Variants in ZSCAN20 observed in about 807,000 individuals in gnomAD.
The protein encoded by ZSCAN20 is zinc finger and SCAN domain containing 20.
In ZSCAN20, 39 loss-of-function variants were observed where a neutral mutation model predicts 97.1. That is an observed-to-expected ratio of 0.40 (90% CI 0.31 to 0.52). The LOEUF is 0.52. Ranked by LOEUF, ZSCAN20 falls within the 20% of genes least tolerant of loss-of-function variation. The pLI is 0.49. For missense variants in ZSCAN20, 1,115 were observed against 1,290.4 expected, an observed-to-expected ratio of 0.86 and a Z score of 2.08; for synonymous variants, 456 against 467.3, an observed-to-expected ratio of 0.98 and a Z score of 0.31.
At chr1:33,478,646 T>C (rs748959767) in intron 1 of ZSCAN20, among the ~76,000 whole-genome samples, 2 of 152,032 alleles carry the variant, frequency 1.3e-5, no homozygotes, top group Non-Finnish European at 2.9e-5. Context: ...GGGGATAGCA[T>C]AGAGTTGTTG....
In ZSCAN20 at chr1:33,479,300, C is replaced by T. The variant is rs1217247430; in HGVS notation, c.12C>T (p.Ala4=). MAM[A]LELQAQASPQ... is the part of the protein sequence containing the mutation. ...GTCTGGGTTAGACAATGGCTATGGCCCTGGAATTGCAAGCCCAGGCATCTC... is the reference window on the plus strand; with the variant it reads ...GTCTGGGTTAGACAATGGCTATGGCTCTGGAATTGCAAGCCCAGGCATCTC... The change falls in exon 2 of 8, where the codon GCC becomes GCT. Residue 4 remains alanine (A), a synonymous_variant. Transcript: ENST00000684572. The T allele has an allele frequency of 6.2e-7, 1 of 1,606,626 alleles. No homozygotes were observed. Among genetic ancestry groups the T allele is most frequent in the Non-Finnish European group, 8.5e-7 (1 of 1,175,986 alleles).
chr1:33,486,357 G>T (rs1382010109), intron 2 of ZSCAN20, among the ~76,000 whole-genome samples: 3 of 152,166 alleles, frequency 2.0e-5, no homozygotes, highest in African/African-American at 7.2e-5. Flanking sequence ...CCTGGAACTG[G>T]TTCCCACAGA....
Position 33,493,457 on chromosome 1 carries a change from G to A in ZSCAN20, c.1715G>A (p.Arg572Gln), listed in dbSNP as rs772245361. 14 of 1,614,044 alleles carry A rather than the reference G, an allele frequency of 8.7e-6. No homozygotes were observed. Among genetic ancestry groups the A allele is most frequent in the African/African-American group, 2.7e-5 (2 of 74,910 alleles). Residue 572 changes from arginine to glutamine, a missense_variant, in exon 7 of 8, where the codon CGG becomes CAG. Arg to Gln is a conservative substitution (Grantham distance 43). Around this residue, in one of 3 missense-constraint regions of ZSCAN20, gnomAD observed 554 missense variants for 584.9 expected, o/e 0.95. Coordinates refer to ENST00000684572, the MANE Select transcript of ZSCAN20 (RefSeq NM_001377376.1). This position sits in a 1 kb window ranked among gnomAD's most constrained non-coding sequence, Gnocchi z 4.3. ...YEELDSLMRA[R>Q]AAVRAMGTVR... ...GAACTGGACTCGCTGATGAGGGCTC[G>A]GGCTGCAGTCAGGGCCATGGGGACT...
rs1228271360 is a variant in ZSCAN20, at chr1:33,498,341, C to G, written c.*2865C>G. Among the ~76,000 whole-genome samples the G allele has an allele frequency of 2.0e-5, 3 of 152,206 alleles. No homozygotes were observed. Among genetic ancestry groups the G allele is most frequent in the African/African-American group, 7.2e-5 (3 of 41,464 alleles). On this transcript the variant is annotated 3_prime_UTR_variant, in exon 8 of 8. Transcript: ENST00000684572. ...GTTTTGATGTTTATTATCTGCCATT[C>G]TTGTCTCATGAATCTTAATAGAGGT...
chr1:33,479,089 T>G (rs968467517), intron 1 of ZSCAN20, 90 bp from the exon 2 acceptor site: 32 of 564,574 alleles, frequency 5.7e-5, no homozygotes, highest in Non-Finnish European at 9.3e-5. Context: ...TCTGCCCCCA[T>G]GCAAAGGTGG....
At chr1:33,473,304 G>A (rs1651799598) in intron 1 of ZSCAN20, among the ~76,000 whole-genome samples, 1 of 152,026 alleles carries the variant, frequency 6.6e-6, no homozygotes, top group African/African-American at 2.4e-5. Flanking sequence ...AGGATCTTCC[G>A]ATCTTTAATT....
chr1:33,480,689 C>A (rs1570548274), intron 2 of ZSCAN20, among the ~76,000 whole-genome samples: 1 of 152,178 alleles, frequency 6.6e-6, no homozygotes, highest in African/African-American at 2.4e-5. Flanking sequence ...AGTAACTTAT[C>A]TAACTTTATA....
rs532982098 is a variant in ZSCAN20, at chr1:33,494,480, T to C, written c.2136T>C (p.Cys712=). 1.8e-5 allele frequency: 29 copies of C among 1,614,192 alleles called. No individual in the cohort carries two copies. In the African/African-American group the frequency reaches 3.6e-4, roughly 20 times the overall value. ...ACCTTGCAGAGAAACCCTACAAGTG[T>C]GACACATGCATGAAGAGCTTCAGTC... is the stretch of plus-strand genomic sequence containing the variant. ...GLYLAEKPYK[C]DTCMKSFSRS... Residue 712 remains cysteine, a synonymous_variant, in exon 8 of 8, where the codon TGT becomes TGC. Coordinates refer to ENST00000684572, the MANE Select transcript of ZSCAN20 (RefSeq NM_001377376.1).
chr1:33,486,392 T>C (rs1652367309), intron 2 of ZSCAN20, among the ~76,000 whole-genome samples: 1 of 152,258 alleles, frequency 6.6e-6, no homozygotes, highest in Admixed American at 6.5e-5. Context: ...TAAGTTGTGA[T>C]TCTCTGATTC....
Position 33,479,280 on chromosome 1 carries a change from G to C in ZSCAN20, c.-9G>C, listed in dbSNP as rs140700582. On this transcript the variant is annotated 5_prime_UTR_variant, in exon 2 of 8. Coordinates refer to ENST00000684572, the MANE Select transcript of ZSCAN20 (RefSeq NM_001377376.1). ...CAGCATAGCTGAAGTGAGGTGTCTG[G>C]GTTAGACAATGGCTATGGCCCTGGA... 6.3e-7 allele frequency: 1 copy of C among 1,593,792 alleles called. No individual in the cohort carries two copies.
intron 7 of ZSCAN20, 56 bp from the exon 8 acceptor site, chr1:33,494,162 C>CA: frequency 6.8e-7 from 1 of 1,468,418 alleles, no homozygotes; most frequent in East Asian, 2.3e-5. Context: ...CACACAAACA[C>CA]ACACACACGC....
chr1:33,495,646 T>A lies in ZSCAN20; in HGVS notation c.*170T>A. 1 of 541,592 alleles carries A rather than the reference T, an allele frequency of 1.8e-6. No individual in the cohort carries two copies. The highest frequency in any genetic ancestry group is 3.8e-5 in the Admixed American group (1 of 26,500). The allele number at this position is 541,592 out of a possible 1,614,324, so 33.5% of individuals were successfully genotyped here. On this transcript the variant is annotated 3_prime_UTR_variant, in exon 8 of 8. Coordinates refer to ENST00000684572, the MANE Select transcript of ZSCAN20 (RefSeq NM_001377376.1). ...AATTACAAATACTAAGGATCCAGAT[T>A]TGAAGGCACTTTTAAGTGTAATTTG...
At chr1:33,476,768 A>C (rs116196154) in intron 1 of ZSCAN20, among the ~76,000 whole-genome samples, 4 of 152,268 alleles carry the variant, frequency 2.6e-5, no homozygotes, top group Non-Finnish European at 5.9e-5. Context: ...AAGAAATTTC[A>C]TGAAAGGCAA....
At chr1:33,488,371 A>G (rs1652448601) in intron 2 of ZSCAN20, 94 bp from the exon 3 acceptor site, 1 of 1,296,402 alleles carries the variant, frequency 7.7e-7, no homozygotes, top group Non-Finnish European at 1.1e-6. Flanking sequence ...GGATCTTAAA[A>G]GAGCCTGTTA....
intron 2 of ZSCAN20, among the ~76,000 whole-genome samples, chr1:33,482,087 T>C (rs943072180): frequency 6.6e-6 from 1 of 152,198 alleles, no homozygotes; most frequent in African/African-American, 2.4e-5. Flanking sequence ...CTTAATGTTA[T>C]TCATTCTGTA....
chr1:33,491,684 C>G lies in ZSCAN20; in HGVS notation c.1426C>G (p.Leu476Val). The G allele has an allele frequency of 1.2e-5, 19 of 1,601,064 alleles. No homozygotes were observed. The highest frequency in any genetic ancestry group is 1.5e-5 in the Non-Finnish European group (18 of 1,174,918). The stretch of plus-strand genomic sequence containing the variant: ...GCCCAGGATTGCAGGGGCCCCAGCT[C>G]TGTTCCAGAGTCGTATTGGTAAGAA... ...QGPRIAGAPA[L>V]FQSRIAGVHW... Residue 476 changes from leucine to valine, a missense_variant, in exon 6 of 8, where the codon CTG becomes GTG. Coordinates refer to ENST00000684572, the MANE Select transcript of ZSCAN20 (RefSeq NM_001377376.1). This position sits in a 1 kb window ranked among gnomAD's most constrained non-coding sequence, Gnocchi z 4.3.
At chr1:33,475,402 C>T (rs76779865) in intron 1 of ZSCAN20, among the ~76,000 whole-genome samples, 151 of 152,326 alleles carry the variant, frequency 9.9e-4, no homozygotes, top group African/African-American at 3.5e-3. Context: ...GAAACTAACA[C>T]GCTGCCTTTC....
chr1:33,487,251 C>G (rs1049008924), intron 2 of ZSCAN20, among the ~76,000 whole-genome samples: 3 of 152,052 alleles, frequency 2.0e-5, no homozygotes, highest in Admixed American at 2.0e-4. Context: ...GTTTTTAAAC[C>G]ATGTGAGTCT....
intron 2 of ZSCAN20, among the ~76,000 whole-genome samples, chr1:33,484,287 T>C (rs528239560): frequency 1.1e-4 from 16 of 152,338 alleles, no homozygotes; most frequent in African/African-American, 3.8e-4. Flanking sequence ...GCAAAAGCAC[T>C]GTGTTTCTTA....
Sources: gnomAD v4.1 joint callset for allele counts (sites outside exome capture counted in the v4.1 genomes callset) on GRCh38, gnomAD v4.1.1 for gene constraint, gnomAD v4.1.1 regional missense constraint, Gnocchi (gnomAD v3.1) non-coding constraint, MANE v1.5 for transcripts, NCBI Gene and HGNC (gene_info 2026-07-23, HGNC 2026-07-21) for gene names.